The following JMJD1C variants were observed in gnomAD, a reference collection of about 807,000 sequenced individuals.
JMJD1C encodes jumonji domain-containing protein 1C.
Under a neutral mutation model 245.3 loss-of-function variants are expected in JMJD1C, and 31 were observed. That is an observed-to-expected ratio of 0.13 (90% CI 0.09 to 0.17). JMJD1C has a LOEUF of 0.17. Ranked by LOEUF, JMJD1C falls within the 10% of genes least tolerant of loss-of-function variation. JMJD1C has a pLI of 1.00. For missense variants in JMJD1C, 2,691 were observed against 3,000.2 expected (o/e 0.90, Z 2.41); for synonymous variants, 1,057 against 1,017.4 (o/e 1.04, Z -0.74).
chr10:63,444,576 C>A (rs1419167039), intron 1 of JMJD1C, among the ~76,000 whole-genome samples: 1 of 151,176 alleles, frequency 6.6e-6, no homozygotes, highest in Non-Finnish European at 1.5e-5. Context: ...ACCCGGTGGA[C>A]ATTTCTATTT....
intron 1 of JMJD1C, among the ~76,000 whole-genome samples, chr10:63,392,485 T>G (rs1443252306): frequency 6.6e-6 from 1 of 151,916 alleles, no homozygotes; most frequent in African/African-American, 2.4e-5. Context: ...TGACTAATAA[T>G]TCAGAATATA....
At chr10:63,500,008 G>T (rs1213711236) in intron 1 of JMJD1C, among the ~76,000 whole-genome samples, 1 of 152,152 alleles carries the variant, frequency 6.6e-6, no homozygotes, top group East Asian at 1.9e-4. Flanking sequence ...ATTCATATTA[G>T]GTAGATCAGC....
intron 1 of JMJD1C, among the ~76,000 whole-genome samples, chr10:63,512,946 G>GT: frequency 6.6e-6 from 1 of 152,202 alleles, no homozygotes; most frequent in South Asian, 2.1e-4. Context: ...CAAGCTCAGA[G>GT]ATTTTTAAAA....
chr10:63,201,940 A>G (rs1352385241), intron 10 of JMJD1C, among the ~76,000 whole-genome samples: 2 of 151,800 alleles, frequency 1.3e-5, no homozygotes, highest in African/African-American at 2.4e-5. Flanking sequence ...AAAAAAAACA[A>G]AAGAGGAAAG....
At chr10:63,417,688 T>G (rs1341323950) in intron 1 of JMJD1C, among the ~76,000 whole-genome samples, 1 of 152,188 alleles carries the variant, frequency 6.6e-6, no homozygotes, top group African/African-American at 2.4e-5. Flanking sequence ...TATGCTATAT[T>G]CTACAGAAGT....
At chr10:63,308,819 T>G (rs1171888093) in intron 2 of JMJD1C, among the ~76,000 whole-genome samples, 1 of 128,680 alleles carries the variant, frequency 7.8e-6, no homozygotes, top group Admixed American at 7.5e-5. Flanking sequence ...CTAAAGAAAA[T>G]TTCCCAGGGC....
At chr10:63,391,116 C>T (rs535899081) in intron 1 of JMJD1C, among the ~76,000 whole-genome samples, 3 of 152,160 alleles carry the variant, frequency 2.0e-5, no homozygotes, top group East Asian at 3.9e-4. Context: ...CACCAAAAAC[C>T]TCATAGAACT....
chr10:63,191,745 G>A (rs974200852), intron 16 of JMJD1C, among the ~76,000 whole-genome samples: 4 of 152,062 alleles, frequency 2.6e-5, no homozygotes, highest in African/African-American at 9.7e-5. Flanking sequence ...AGCACTTTGA[G>A]AGGCTGAGGC....
intron 18 of JMJD1C, among the ~76,000 whole-genome samples, chr10:63,188,210 C>T (rs183627517): frequency 5.5e-4 from 84 of 152,224 alleles, no homozygotes; most frequent in South Asian, 1.5e-3. Context: ...ATTTGTGTGA[C>T]GCTTTTCTAC....
Position 63,203,432 on chromosome 10 carries a change from G to T in JMJD1C, c.5075-2755C>A, listed in dbSNP as rs919329165. 9 of 985,218 alleles carry T rather than the reference G, an allele frequency of 9.1e-6. No homozygotes were observed. The South Asian group carries it at 4.2e-4, about 46-fold the overall frequency. 61.0% of individuals were successfully genotyped at this position (985,218 alleles called of 1,614,324 possible). ...TAACAGAAAACTGGGGAGGAAGAAA[G>T]TAAGAGACAAATACTTGCCAAACAT... On this transcript the variant is annotated intron_variant, in intron 10 of 25. Transcript: ENST00000399262.
chr10:63,465,702 G>A lies in JMJD1C; in HGVS notation c.-40C>T. 2.5e-6 allele frequency: 4 copies of A among 1,600,514 alleles called. No homozygotes were observed. The highest frequency in any genetic ancestry group is 3.4e-6 in the Non-Finnish European group (4 of 1,178,136). On this transcript the variant is annotated 5_prime_UTR_variant, in exon 1 of 26. Transcript: ENST00000399262. ...AAGCGGCCGCTGCCTCCTCCAGTGC[G>A]AGGGAACCGATGAAACCTCACTCCT... is the stretch of plus-strand genomic sequence containing the variant.
Position 63,398,648 on chromosome 10 carries a change from T to TAA in JMJD1C, c.169-18167_169-18166insTT, listed in dbSNP as rs1219447344. On this transcript the variant is annotated intron_variant, in intron 1 of 25. Transcript: ENST00000399262. The stretch of plus-strand genomic sequence containing the variant: ...ATCATTTACTATCTGAAAAAAAATT[T>TAA]TTTTTTTTTTTTTGAGACAGACTCT... Among the ~76,000 whole-genome samples the TAA allele has an allele frequency of 2.6e-4, 36 of 139,766 alleles. 2 individuals carry two copies. The highest frequency in any genetic ancestry group is 6.4e-4 in the East Asian group (3 of 4,676). 91.7% of individuals were successfully genotyped at this position (139,766 alleles called of 152,430 possible).
intron 1 of JMJD1C, among the ~76,000 whole-genome samples, chr10:63,473,574 G>T (rs1280368524): frequency 6.6e-6 from 1 of 151,984 alleles, no homozygotes; most frequent in African/African-American, 2.4e-5. Flanking sequence ...AGGAATTACA[G>T]GTCACTTATT....
chr10:63,190,972 A>G lies in JMJD1C; in HGVS notation c.6213T>C (p.Thr2071=), dbSNP rs1470102272. The G allele has an allele frequency of 6.2e-7, 1 of 1,614,188 alleles. No individual in the cohort carries two copies. The highest frequency in any genetic ancestry group is 1.7e-5 in the Admixed American group (1 of 60,024). ...CCACACGTAGCTTTCCAGCTGTTGT[A>G]GTCAGCAAATCCCGTAAGGTTGAGC... ...EQGSTLRDLL[T]TTAGKLRVGS... Residue 2071 remains threonine, a synonymous_variant, in exon 17 of 26, where the codon ACT becomes ACC. Transcript: ENST00000399262.
At chr10:63,324,151 G>A (rs777753490) in intron 2 of JMJD1C, among the ~76,000 whole-genome samples, 3 of 150,640 alleles carry the variant, frequency 2.0e-5, no homozygotes, top group South Asian at 4.2e-4. Context: ...TAATCTCTTC[G>A]GAAACACCCT....
chr10:63,449,975 T>C (rs1951940887), intron 1 of JMJD1C, among the ~76,000 whole-genome samples: 1 of 152,040 alleles, frequency 6.6e-6, no homozygotes. Flanking sequence ...TAGGCAGGCA[T>C]GGTGGCACAT....
At chr10:63,487,640 AAG>A (rs769233510) in intron 1 of JMJD1C, among the ~76,000 whole-genome samples, 1 of 152,336 alleles carries the variant, frequency 6.6e-6, no homozygotes, top group Non-Finnish European at 1.5e-5. Context: ...GATCAGAGTT[AAG>A]GTGATAGACC....
At chr10:63,305,629 CGTGTGTGTGTGTGT>C (rs36038855) in intron 2 of JMJD1C, among the ~76,000 whole-genome samples, 10,442 of 121,724 alleles carry the variant, frequency 0.086, 561 homozygotes, top group African/African-American at 0.16. Flanking sequence ...ACCATGCTGG[CGTGTGTGTGTGTGT>C]GTGTGTGTGT....
intron 1 of JMJD1C, among the ~76,000 whole-genome samples, chr10:63,513,466 T>A (rs1323170215): frequency 1.3e-5 from 2 of 152,190 alleles, no homozygotes; most frequent in African/African-American, 4.8e-5. Context: ...AATTGAGATC[T>A]AATTAAACTA....
Sources: allele counts gnomAD v4.1 joint callset (sites outside exome capture counted in the v4.1 genomes callset), GRCh38; gene constraint gnomAD v4.1.1; transcripts MANE v1.5; gene names NCBI Gene and HGNC (gene_info 2026-07-23, HGNC 2026-07-21).